Variants in HSD17B4 observed in about 807,000 individuals in gnomAD.
HSD17B4 encodes hydroxysteroid 17-beta dehydrogenase 4, also known as peroxisomal multifunctional enzyme type 2.
A neutral mutation model predicts 101.0 loss-of-function variants in HSD17B4; 70 were observed. That is an observed-to-expected ratio of 0.69 (90% CI 0.57 to 0.85). The LOEUF (loss-of-function observed/expected upper bound fraction) is 0.85. Ranked by LOEUF, HSD17B4 falls within the 40% of genes least tolerant of loss-of-function variation. The pLI is 0.00. For synonymous variants in HSD17B4, 347 were observed against 297.1 expected, an observed-to-expected ratio of 1.17 and a Z score of -1.73; for missense variants, 984 against 892.4, an observed-to-expected ratio of 1.10 and a Z score of -1.31.
At chr5:119,479,224 A>G (rs1748885406) in intron 8 of HSD17B4, among the ~76,000 whole-genome samples, 1 of 152,148 alleles carries the variant, frequency 6.6e-6, no homozygotes, top group African/African-American at 2.4e-5. Flanking sequence ...ATTCTACCAC[A>G]TCGATAAAAA....
chr5:119,501,754 A>T (rs1305125135), intron 13 of HSD17B4, among the ~76,000 whole-genome samples: 2 of 152,118 alleles, frequency 1.3e-5, no homozygotes, highest in African/African-American at 4.8e-5. Flanking sequence ...AGCCTAGTTT[A>T]TTGTCTCTTG....
Position 119,489,299 on chromosome 5 carries a change from T to A in HSD17B4, c.714+16T>A. ...CTTGTTTGAGGTATTTGCACCTTCC[T>A]GTTTTCTCTTATTAGTTTTCTCCAG... On this transcript the variant is annotated intron_variant, in intron 9 of 23. Coordinates refer to ENST00000510025, the MANE Select transcript of HSD17B4 (RefSeq NM_000414.4). 1 of 1,541,278 alleles carries A rather than the reference T, an allele frequency of 6.5e-7. No homozygotes were observed. The highest frequency in any genetic ancestry group is 9.0e-7 in the Non-Finnish European group (1 of 1,114,026).
intron 17 of HSD17B4, among the ~76,000 whole-genome samples, chr5:119,521,413 A>T (rs1255657048): frequency 3.9e-5 from 6 of 152,042 alleles, no homozygotes; most frequent in Admixed American, 3.9e-4. Context: ...TTTAATATGT[A>T]TATTCATGTC....
At chr5:119,496,902 A>G (rs547799144) in intron 12 of HSD17B4, among the ~76,000 whole-genome samples, 3 of 152,350 alleles carry the variant, frequency 2.0e-5, no homozygotes, top group Admixed American at 2.0e-4. Context: ...GTTGAGCCAC[A>G]TGAAGAGATG....
At position 119,502,061 on chromosome 5, in the gene HSD17B4, C is replaced by T. The variant is rs763891697; in HGVS notation, c.1230C>T (p.Tyr410=). ...NFAKVLHGEQ[Y]LELYKPLPRA... The stretch of plus-strand genomic sequence containing the variant: ...CATAGGTTCTTCATGGAGAGCAGTA[C>T]TTAGAGTTATATAAACCACTTCCCA... Residue 410 remains tyrosine, a synonymous_variant, in exon 14 of 24, where the codon TAC becomes TAT. Coordinates refer to ENST00000510025, the MANE Select transcript of HSD17B4 (RefSeq NM_000414.4). The T allele has an allele frequency of 1.2e-6, 2 of 1,604,408 alleles. No individual in the cohort carries two copies. The highest frequency in any genetic ancestry group is 1.7e-5 in the Admixed American group (1 of 59,970).
At chr5:119,524,400 A>G (rs1753390033) in intron 17 of HSD17B4, among the ~76,000 whole-genome samples, 1 of 152,290 alleles carries the variant, frequency 6.6e-6, no homozygotes, top group Non-Finnish European at 1.5e-5. Context: ...ACAGCATTTC[A>G]GTAGTCTTTG....
In HSD17B4 at chr5:119,499,350, T is replaced by G. The variant is rs1466460910; in HGVS notation, c.1006T>G (p.Ser336Ala). The part of the protein sequence containing the change: ...GAIGQKLPPF[S>A]YAYTELEAIM... The stretch of plus-strand genomic sequence containing the variant: ...TATTGGCCAGAAACTCCCTCCATTT[T>G]CTTATGCTTATACGGAACTGGAAGC... Residue 336 changes from serine (S) to alanine (A), a missense_variant, in exon 13 of 24, where the codon TCT becomes GCT. Ser to Ala is a moderately conservative substitution (Grantham distance 99). Transcript: ENST00000510025. The G allele has an allele frequency of 6.2e-7, 1 of 1,613,764 alleles. No individual in the cohort carries two copies. The highest frequency in any genetic ancestry group is 1.3e-5 in the African/African-American group (1 of 75,050).
At chr5:119,504,158 C>T (rs528905571) in intron 14 of HSD17B4, among the ~76,000 whole-genome samples, 12 of 152,154 alleles carry the variant, frequency 7.9e-5, no homozygotes, top group Non-Finnish European at 1.5e-4. Flanking sequence ...ATATGTACCA[C>T]ATTTTCTTTA....
intron 15 of HSD17B4, among the ~76,000 whole-genome samples, chr5:119,508,659 C>G (rs1164169582): frequency 6.6e-6 from 1 of 152,134 alleles, no homozygotes; most frequent in African/African-American, 2.4e-5. Flanking sequence ...TGTACAGGAA[C>G]TATTCTAGTT....
intron 8 of HSD17B4, chr5:119,487,208 C>T (rs1174981621): frequency 6.6e-6 from 1 of 150,870 alleles, no homozygotes; most frequent in African/African-American, 2.4e-5. Context: ...CCCTGCCTTC[C>T]CTGTAGCATG....
chr5:119,531,598 T>G (rs910782694), intron 22 of HSD17B4, among the ~76,000 whole-genome samples, 194 bp downstream of exon 22: 14 of 151,352 alleles, frequency 9.2e-5, no homozygotes, highest in African/African-American at 3.4e-4. Context: ...TGTGTGTGTT[T>G]GTGTGTGTGT....
At chr5:119,460,893 C>T (rs1262864335) in intron 2 of HSD17B4, among the ~76,000 whole-genome samples, 1 of 152,160 alleles carries the variant, frequency 6.6e-6, no homozygotes, top group Non-Finnish European at 1.5e-5. Flanking sequence ...TCTGCTGTCG[C>T]GGCATCCCTG....
intron 16 of HSD17B4, among the ~76,000 whole-genome samples, chr5:119,513,738 T>C (rs1282270689): frequency 1.3e-5 from 2 of 152,192 alleles, no homozygotes; most frequent in Non-Finnish European, 2.9e-5. Flanking sequence ...ATCACAAGTA[T>C]CACTTGTTGC....
intron 8 of HSD17B4, among the ~76,000 whole-genome samples, chr5:119,488,183 A>T (rs1749777812): frequency 1.3e-5 from 2 of 152,164 alleles, no homozygotes; most frequent in Admixed American, 6.6e-5. Flanking sequence ...AAGCAGAAGC[A>T]TTTAAATTAC....
At chr5:119,528,126 T>A (rs756212552) in intron 20 of HSD17B4, among the ~76,000 whole-genome samples, 1 of 152,116 alleles carries the variant, frequency 6.6e-6, no homozygotes. Flanking sequence ...ATATGCATAA[T>A]AAATCTGTAT....
intron 8 of HSD17B4, among the ~76,000 whole-genome samples, chr5:119,480,809 G>A (rs1749056313): frequency 6.6e-6 from 1 of 152,146 alleles, no homozygotes; most frequent in Admixed American, 6.6e-5. Flanking sequence ...GGGGGGGCCA[G>A]TTCAGAGACC....
intron 20 of HSD17B4, among the ~76,000 whole-genome samples, chr5:119,528,212 C>T (rs1424426936): frequency 6.6e-6 from 1 of 152,052 alleles, no homozygotes; most frequent in Admixed American, 6.6e-5. Flanking sequence ...GGTCACACAG[C>T]AAGTGGTTGA....
Position 119,477,530 on chromosome 5 carries a change from A to T in HSD17B4, c.434+29A>T, listed in dbSNP as rs769726661. Reference sequence around the variant, plus strand: ...GAGTTGCATGTGGTTGTCAAGGGGGATTTAAGATGTTGTGTCTGGGGGTTC... The same window carrying T: ...GAGTTGCATGTGGTTGTCAAGGGGGTTTTAAGATGTTGTGTCTGGGGGTTC... On this transcript the variant is annotated intron_variant, in intron 7 of 23. Coordinates refer to ENST00000510025, the MANE Select transcript of HSD17B4 (RefSeq NM_000414.4). 2.7e-6 allele frequency: 4 copies of T among 1,476,276 alleles called. No individual in the cohort carries two copies. The South Asian group carries it at 4.5e-5, about 17-fold the overall frequency. 91.4% of individuals were successfully genotyped at this position (1,476,276 alleles called of 1,614,324 possible). A position where few individuals can be genotyped will look rare whatever the true frequency, so the allele number is the denominator to read the frequency against.
At chr5:119,502,176 G>A in intron 14 of HSD17B4, 84 bp downstream of exon 14, 1 of 892,672 alleles carries the variant, frequency 1.1e-6, no homozygotes, top group Non-Finnish European at 1.9e-6. Flanking sequence ...TGTTAAACTG[G>A]TATAGAGTGA....
Sources: gnomAD v4.1 joint callset for allele counts (sites outside exome capture counted in the v4.1 genomes callset) on GRCh38, gnomAD v4.1.1 for gene constraint, MANE v1.5 for transcripts, NCBI Gene and HGNC (gene_info 2026-07-23, HGNC 2026-07-21) for gene names.